MAGI2: variants seen among roughly 807,000 people sequenced by gnomAD.
The protein encoded by MAGI2 is membrane associated guanylate kinase, WW and PDZ domain containing 2.
A neutral mutation model predicts 133.3 loss-of-function variants in MAGI2; 35 were observed. The ratio of observed to expected loss-of-function variants is 0.26; its 90% CI spans 0.20 to 0.35. MAGI2 has a LOEUF of 0.35. Among genes scored for constraint, MAGI2 ranks in the 10% least tolerant of loss-of-function variants. MAGI2 has a pLI of 1.00. For synonymous variants in MAGI2, 729 were observed against 710.6 expected (o/e 1.03, Z -0.41); for missense variants, 1,636 against 1,863.4 (o/e 0.88, Z 2.25).
intron 1 of MAGI2, among the ~76,000 whole-genome samples, chr7:79,115,854 GTTTTTTTTTT>G (rs59398227): frequency 1.8e-4 from 17 of 93,944 alleles, no homozygotes; most frequent in Admixed American, 1.0e-3. Context: ...ATGTTTTAAA[GTTTTTTTTTT>G]TTTTTTTTTT....
chr7:78,597,556 AAGAAATAG>A (rs1478281629), intron 3 of MAGI2, among the ~76,000 whole-genome samples: 3 of 152,188 alleles, frequency 2.0e-5, no homozygotes, highest in African/African-American at 7.2e-5. Flanking sequence ...GCAATGAAAC[AAGAAATAG>A]AGAAATAAAG....
chr7:79,223,185 A>C (rs1212802846), intron 1 of MAGI2, among the ~76,000 whole-genome samples: 2 of 151,826 alleles, frequency 1.3e-5, no homozygotes, highest in African/African-American at 4.8e-5. Flanking sequence ...GCGCGTGGCC[A>C]TATCTCATTT....
chr7:78,461,418 G>A lies in MAGI2; in HGVS notation c.1045+28343C>T, dbSNP rs886800783. On this transcript the variant is annotated intron_variant, in intron 6 of 21. Transcript: ENST00000354212. ...CGTGTGTGTGTGTGTGTGTGTGTGTGTGTGTGTTGGGATATATTGCTCTTG... is the reference window on the plus strand; with the variant it reads ...CGTGTGTGTGTGTGTGTGTGTGTGTATGTGTGTTGGGATATATTGCTCTTG... Among the ~76,000 whole-genome samples, 127 of 148,776 alleles carry A rather than the reference G, an allele frequency of 8.5e-4. 1 individual carries two copies. The highest frequency in any genetic ancestry group is 2.1e-4 in the Non-Finnish European group (14 of 67,460).
chr7:78,786,316 T>C (rs1288323664), intron 2 of MAGI2, among the ~76,000 whole-genome samples: 4 of 152,220 alleles, frequency 2.6e-5, no homozygotes, highest in Non-Finnish European at 5.9e-5. Flanking sequence ...ATTATAGCAG[T>C]ACCCTAACTG....
At chr7:78,763,054 G>A (rs936660957) in intron 2 of MAGI2, among the ~76,000 whole-genome samples, 2 of 152,194 alleles carry the variant, frequency 1.3e-5, no homozygotes, top group African/African-American at 4.8e-5. Flanking sequence ...ATGAACAACT[G>A]ATAACTTTAT....
chr7:78,059,395 T>C (rs899241642), intron 21 of MAGI2, among the ~76,000 whole-genome samples: 32 of 152,238 alleles, frequency 2.1e-4, no homozygotes, highest in Non-Finnish European at 3.8e-4. Flanking sequence ...GCCTTCTCAT[T>C]GTCATTAGTT....
intron 2 of MAGI2, among the ~76,000 whole-genome samples, chr7:78,972,938 TACACACACAC>T (rs3069435): frequency 1.2e-3 from 171 of 148,340 alleles, no homozygotes; most frequent in Non-Finnish European, 2.0e-3. Flanking sequence ...TTGTTGCTTT[TACACACACAC>T]ACACACACAC....
At chr7:78,951,743 A>T (rs989411406) in intron 2 of MAGI2, among the ~76,000 whole-genome samples, 44 of 152,318 alleles carry the variant, frequency 2.9e-4, no homozygotes, top group African/African-American at 1.1e-3. Context: ...CTTTTAATTC[A>T]TGACATTAAT....
chr7:79,306,184 TAC>T, intron 1 of MAGI2, among the ~76,000 whole-genome samples: 1 of 144,556 alleles, frequency 6.9e-6, no homozygotes, highest in Non-Finnish European at 1.5e-5. Flanking sequence ...AAAATATATA[TAC>T]ACATATATAT....
intron 1 of MAGI2, among the ~76,000 whole-genome samples, chr7:79,374,613 T>C (rs1175689768): frequency 6.6e-6 from 1 of 152,030 alleles, no homozygotes; most frequent in Non-Finnish European, 1.5e-5. Context: ...TAATCTTTTA[T>C]ACAATATACA....
chr7:78,871,973 A>G (rs1795062877), intron 2 of MAGI2, among the ~76,000 whole-genome samples: 1 of 152,002 alleles, frequency 6.6e-6, no homozygotes, highest in Non-Finnish European at 1.5e-5. Context: ...CTTGCTTAAC[A>G]TCAACCACAA....
At chr7:78,797,383 C>T (rs1168138705) in intron 2 of MAGI2, among the ~76,000 whole-genome samples, 1 of 152,026 alleles carries the variant, frequency 6.6e-6, no homozygotes, top group African/African-American at 2.4e-5. Context: ...TATGTGTGAG[C>T]TCTAGAAACC....
rs138743185 is a variant in MAGI2, at chr7:79,182,848, G to A, written c.302-175642C>T. 2.4e-3 allele frequency among the ~76,000 whole-genome samples: 365 copies of A among 152,034 alleles called. 6 individuals carry two copies. The highest frequency in any genetic ancestry group is 8.3e-3 in the African/African-American group (345 of 41,382). On this transcript the variant is annotated intron_variant, in intron 1 of 21. Coordinates refer to ENST00000354212, the MANE Select transcript of MAGI2 (RefSeq NM_012301.4). ...TGGATAAAGAAAATGTGGTATATATGCAATGGTATAGTATTTGGCCATAAA... is the reference window on the plus strand; with the variant it reads ...TGGATAAAGAAAATGTGGTATATATACAATGGTATAGTATTTGGCCATAAA...
At chr7:79,352,835 G>A (rs1355810505) in intron 1 of MAGI2, among the ~76,000 whole-genome samples, 2 of 152,082 alleles carry the variant, frequency 1.3e-5, no homozygotes, top group Non-Finnish European at 2.9e-5. Flanking sequence ...CATGCTAGCT[G>A]AGTTTTAGAC....
At chr7:79,193,868 C>A (rs1436740972) in intron 1 of MAGI2, among the ~76,000 whole-genome samples, 1 of 151,722 alleles carries the variant, frequency 6.6e-6, no homozygotes, top group East Asian at 1.9e-4. Flanking sequence ...GTACCCCAGG[C>A]AAAGAGAGGA....
intron 1 of MAGI2, among the ~76,000 whole-genome samples, chr7:79,103,505 A>C (rs971259231): frequency 3.9e-5 from 6 of 152,048 alleles, no homozygotes; most frequent in Non-Finnish European, 7.4e-5. Flanking sequence ...ATAATAATAA[A>C]AATTATTATT....
chr7:78,787,188 T>G (rs1027031058), intron 2 of MAGI2, among the ~76,000 whole-genome samples: 2 of 152,126 alleles, frequency 1.3e-5, no homozygotes. Context: ...CCTCATGATC[T>G]GCCCGCCTTG....
chr7:78,971,999 C>T (rs751426580), intron 2 of MAGI2, among the ~76,000 whole-genome samples: 18 of 151,854 alleles, frequency 1.2e-4, no homozygotes, highest in Non-Finnish European at 1.9e-4. Flanking sequence ...GTTTGCCTTT[C>T]ATACATCACA....
intron 1 of MAGI2, among the ~76,000 whole-genome samples, chr7:79,366,439 A>T (rs1379519045): frequency 6.6e-6 from 1 of 152,084 alleles, no homozygotes; most frequent in Non-Finnish European, 1.5e-5. Flanking sequence ...ACAGGGAAAC[A>T]GAAGAGATCC....
Sources: gnomAD v4.1 joint callset for allele counts (sites outside exome capture counted in the v4.1 genomes callset) on GRCh38, gnomAD v4.1.1 for gene constraint, MANE v1.5 for transcripts, NCBI Gene and HGNC (gene_info 2026-07-23, HGNC 2026-07-21) for gene names.